The following BTRC variants were observed in gnomAD, a reference collection of about 807,000 sequenced individuals.
BTRC encodes beta-transducin repeat containing E3 ubiquitin protein ligase.
Under a neutral mutation model 85.5 loss-of-function variants are expected in BTRC, and 42 were observed. That is an observed-to-expected ratio of 0.49 (90% confidence interval 0.38 to 0.64). The LOEUF is 0.64. Ranked by LOEUF, BTRC falls within the 30% of genes least tolerant of loss-of-function variation. The pLI is 0.00. For missense variants in BTRC, 594 were observed against 743.5 expected (o/e 0.80, Z 2.34); for synonymous variants, 255 against 263.3 (o/e 0.97, Z 0.30).
At chr10:101,417,339 C>T (rs928952152) in intron 1 of BTRC, among the ~76,000 whole-genome samples, 1 of 152,172 alleles carries the variant, frequency 6.6e-6, no homozygotes, top group African/African-American at 2.4e-5. Context: ...ATAACATTGA[C>T]ATTTTTGAGG....
chr10:101,460,228 T>A (rs1450201094), intron 2 of BTRC, among the ~76,000 whole-genome samples: 7 of 147,972 alleles, frequency 4.7e-5, no homozygotes, highest in East Asian at 2.0e-4. Context: ...TCTTTACATT[T>A]AAAAAAAAAA....
intron 1 of BTRC, among the ~76,000 whole-genome samples, chr10:101,404,383 C>T (rs1360758196): frequency 1.3e-5 from 2 of 152,082 alleles, no homozygotes; most frequent in African/African-American, 4.8e-5. Flanking sequence ...CCGTCTGTGC[C>T]ATCTTGGTAT....
Position 101,364,220 on chromosome 10 carries a change from A to G in BTRC, c.48+9992A>G, listed in dbSNP as rs922946789. The stretch of plus-strand genomic sequence containing the variant: ...CACTTTTTCATTTTGGTTGCTGAAT[A>G]ATACCTGTTGATTGGATACTCCTAG... On this transcript the variant is annotated intron_variant, in intron 1 of 14. Coordinates refer to ENST00000370187, the MANE Select transcript of BTRC (RefSeq NM_033637.4). Among the ~76,000 whole-genome samples the G allele has an allele frequency of 2.0e-5, 3 of 152,320 alleles. 1 individual carries two copies. The highest frequency in any genetic ancestry group is 6.8e-3 in the Middle Eastern group (2 of 294).
intron 2 of BTRC, among the ~76,000 whole-genome samples, chr10:101,435,312 C>G (rs1216141919): frequency 6.6e-6 from 1 of 152,074 alleles, no homozygotes; most frequent in Non-Finnish European, 1.5e-5. Context: ...TTTCAAGATA[C>G]ACAACAGTTT....
chr10:101,508,787 G>A lies in BTRC; in HGVS notation c.325-12852G>A, dbSNP rs201991292. Among the ~76,000 whole-genome samples the A allele has an allele frequency of 1.1e-4, 17 of 151,868 alleles. No individual in the cohort carries two copies. The East Asian group carries it at 1.7e-3, about 16-fold the overall frequency. On this transcript the variant is annotated intron_variant, in intron 4 of 14. Coordinates refer to ENST00000370187, the MANE Select transcript of BTRC (RefSeq NM_033637.4). ...AAAATAGCCAGGTGTGGTGGCAGGCGCCTGTAGTCCCAGCTACTGGGGAGG... is the reference window on the plus strand; with the variant it reads ...AAAATAGCCAGGTGTGGTGGCAGGCACCTGTAGTCCCAGCTACTGGGGAGG...
intron 4 of BTRC, among the ~76,000 whole-genome samples, chr10:101,506,168 CT>C (rs1300252365): frequency 6.6e-6 from 1 of 152,230 alleles, no homozygotes; most frequent in East Asian, 1.9e-4. Context: ...CCGCCTCAGC[CT>C]CCCAAAGTGC....
intron 3 of BTRC, among the ~76,000 whole-genome samples, chr10:101,466,669 A>T (rs1564789887): frequency 6.6e-6 from 1 of 152,208 alleles, no homozygotes; most frequent in Non-Finnish European, 1.5e-5. Flanking sequence ...TCTTCATCCC[A>T]GGAGGTAACA....
intron 13 of BTRC, among the ~76,000 whole-genome samples, chr10:101,541,874 G>A (rs941709983): frequency 2.0e-5 from 3 of 152,102 alleles, no homozygotes. Flanking sequence ...ATCTGTGTTT[G>A]TAAGGGATAT....
At chr10:101,402,419 C>G (rs1178610507) in intron 1 of BTRC, among the ~76,000 whole-genome samples, 1 of 152,096 alleles carries the variant, frequency 6.6e-6, no homozygotes, top group Non-Finnish European at 1.5e-5. Flanking sequence ...GACTAATTGC[C>G]TACTTAATAA....
chr10:101,397,947 A>G (rs914197303), intron 1 of BTRC, among the ~76,000 whole-genome samples: 2 of 152,220 alleles, frequency 1.3e-5, no homozygotes, highest in South Asian at 2.1e-4. Flanking sequence ...TAAAAATGCC[A>G]TTATTTCCTT....
intron 4 of BTRC, among the ~76,000 whole-genome samples, chr10:101,484,124 T>C (rs747014929): frequency 2.0e-5 from 3 of 152,214 alleles, no homozygotes; most frequent in Non-Finnish European, 4.4e-5. Context: ...CCTTTGTGGA[T>C]GTTCTGTATT....
chr10:101,538,410 T>A (rs1435523987), intron 13 of BTRC, 39 bp downstream of exon 13: 2 of 1,544,560 alleles, frequency 1.3e-6, no homozygotes, highest in African/African-American at 1.4e-5. Flanking sequence ...GGAGAGCAGG[T>A]GGGGGAAGAA....
At chr10:101,518,754 C>T (rs1237637078) in intron 4 of BTRC, among the ~76,000 whole-genome samples, 2 of 152,194 alleles carry the variant, frequency 1.3e-5, no homozygotes, top group African/African-American at 4.8e-5. Flanking sequence ...CTCAAAATTT[C>T]CATTGCCTAG....
chr10:101,371,214 T>A (rs1006393262), intron 1 of BTRC, among the ~76,000 whole-genome samples: 4 of 152,022 alleles, frequency 2.6e-5, no homozygotes, highest in Non-Finnish European at 5.9e-5. Context: ...AGACGGAGTC[T>A]TGCTCTGTTG....
At position 101,522,388 on chromosome 10, in the gene BTRC, A is replaced by AC. The variant is rs1216408493; in HGVS notation, c.556+518_556+519insC. 2.3e-4 allele frequency among the ~76,000 whole-genome samples: 31 copies of AC among 136,162 alleles called. 1 individual carries two copies. Among genetic ancestry groups the AC allele is most frequent in the African/African-American group, 7.3e-4 (28 of 38,420 alleles). The allele number at this position is 136,162 out of a possible 152,430, so 89.3% of individuals were successfully genotyped here. A position where few individuals can be genotyped will look rare whatever the true frequency, so the allele number is the denominator to read the frequency against. ...AAAACAAAAAAAAACAAAAAAAAAAAAACTCTAGAAATAAAGACTCCTTTT... is the reference window on the plus strand; with the variant it reads ...AAAACAAAAAAAAACAAAAAAAAAAACAACTCTAGAAATAAAGACTCCTTTT... On this transcript the variant is annotated intron_variant, in intron 5 of 14. Transcript: ENST00000370187.
intron 2 of BTRC, among the ~76,000 whole-genome samples, chr10:101,442,922 C>T (rs1377668016): frequency 4.5e-5 from 6 of 133,684 alleles, no homozygotes; most frequent in African/African-American, 1.5e-4. Flanking sequence ...GACGGAGTCT[C>T]GCTCTGTCAC....
At chr10:101,415,112 G>C (rs564554042) in intron 1 of BTRC, among the ~76,000 whole-genome samples, 7 of 152,014 alleles carry the variant, frequency 4.6e-5, no homozygotes, top group Non-Finnish European at 8.8e-5. Context: ...AACTCACCCA[G>C]AGCAACTTGC....
At chr10:101,419,006 C>T (rs1438505938) in intron 1 of BTRC, among the ~76,000 whole-genome samples, 1 of 150,556 alleles carries the variant, frequency 6.6e-6, no homozygotes, top group African/African-American at 2.4e-5. Context: ...TCTTTTCTTT[C>T]TTTCTTTCTT....
intron 2 of BTRC, among the ~76,000 whole-genome samples, chr10:101,443,185 G>C (rs1436629589): frequency 1.3e-5 from 2 of 151,950 alleles, no homozygotes; most frequent in African/African-American, 4.8e-5. Context: ...CCTGGCCTCT[G>C]TTGTTCTACT....
Sources: gnomAD v4.1 joint callset for allele counts (sites outside exome capture counted in the v4.1 genomes callset) on GRCh38, gnomAD v4.1.1 for gene constraint, MANE v1.5 for transcripts, NCBI Gene and HGNC (gene_info 2026-07-23, HGNC 2026-07-21) for gene names.